FAM3D: variants seen among roughly 807,000 people sequenced by gnomAD.
The protein encoded by FAM3D is FAM3 metabolism regulating signaling molecule D.
FAM3D carries 26 observed loss-of-function variants against 29.8 expected under a neutral mutation model. The ratio of observed to expected loss-of-function variants is 0.87; its 90% CI spans 0.64 to 1.21. The LOEUF is 1.21. Among genes scored for constraint, FAM3D ranks in the 50% most tolerant of loss-of-function variants. The pLI is 0.00. For missense variants in FAM3D, 253 were observed against 290.9 expected, an observed-to-expected ratio of 0.87 and a Z score of 0.95; for synonymous variants, 115 against 102.3, an observed-to-expected ratio of 1.12 and a Z score of -0.75.
At chr3:58,665,744 C>G (rs1212712744) in intron 1 of FAM3D, among the ~76,000 whole-genome samples, 1 of 152,180 alleles carries the variant, frequency 6.6e-6, no homozygotes, top group Admixed American at 6.5e-5. Context: ...TGCCTTGGCT[C>G]TCCGTCTGCA....
At chr3:58,645,789 T>C (rs1303105714) in intron 4 of FAM3D, among the ~76,000 whole-genome samples, 163 bp from the exon 5 acceptor site, 1 of 152,226 alleles carries the variant, frequency 6.6e-6, no homozygotes, top group Non-Finnish European at 1.5e-5. Flanking sequence ...AGATGTGCCC[T>C]TCTGGGCTCC....
At chr3:58,653,643 G>C in intron 3 of FAM3D, 31 bp downstream of exon 3, 2 of 1,598,562 alleles carry the variant, frequency 1.3e-6, no homozygotes, top group African/African-American at 2.7e-5. Context: ...CTGGTCTGCA[G>C]TTCCTGCCCC....
intron 4 of FAM3D, among the ~76,000 whole-genome samples, chr3:58,647,916 C>A (rs993200172): frequency 1.1e-4 from 16 of 152,220 alleles, no homozygotes; most frequent in African/African-American, 3.9e-4. Flanking sequence ...TTATCTTTGC[C>A]AGCTGTGAAA....
chr3:58,660,298 A>G (rs1422044914), intron 1 of FAM3D, among the ~76,000 whole-genome samples: 1 of 152,114 alleles, frequency 6.6e-6, no homozygotes, highest in African/African-American at 2.4e-5. Flanking sequence ...GGGGTGTGCA[A>G]CCCTGCCTAG....
intron 5 of FAM3D, 91 bp from the exon 6 acceptor site, chr3:58,643,811 CAT>C: frequency 8.7e-7 from 1 of 1,148,992 alleles, no homozygotes; most frequent in Non-Finnish European, 1.3e-6. Flanking sequence ...TGAGGACCCA[CAT>C]AAGCAATGCA....
chr3:58,653,691 C>G lies in FAM3D; in HGVS notation c.104G>C (p.Arg35Pro). The G allele has an allele frequency of 1.2e-6, 2 of 1,613,920 alleles. No homozygotes were observed. Among genetic ancestry groups the G allele is most frequent in the Non-Finnish European group, 1.7e-6 (2 of 1,180,032 alleles). Residue 35 changes from arginine to proline, a missense_variant, in exon 3 of 10, where the codon CGT becomes CCT. Transcript: ENST00000358781. ...SYMSFSMKTI[R>P]LPRWLAASPT... Reference sequence around the variant, plus strand: ...CCACTCACCCAGCCAGCGTGGCAGACGGATGGTTTTCATGCTGAAGCTCAT... The same window carrying G: ...CCACTCACCCAGCCAGCGTGGCAGAGGGATGGTTTTCATGCTGAAGCTCAT...
chr3:58,664,380 T>C (rs2066990167), intron 1 of FAM3D, among the ~76,000 whole-genome samples: 1 of 151,650 alleles, frequency 6.6e-6, no homozygotes, highest in Non-Finnish European at 1.5e-5. Context: ...GACTAATTTA[T>C]CTGATAGGCT....
At chr3:58,645,409 G>T in intron 5 of FAM3D, 100 bp downstream of exon 5, 1 of 855,572 alleles carries the variant, frequency 1.2e-6, no homozygotes, top group Non-Finnish European at 1.7e-6. Flanking sequence ...CTGTGGGCTG[G>T]TCTCACAGGC....
chr3:58,664,810 A>G (rs2106970800), intron 1 of FAM3D, among the ~76,000 whole-genome samples: 1 of 152,292 alleles, frequency 6.6e-6, no homozygotes, highest in Non-Finnish European at 1.5e-5. Context: ...ACTGTAGGAA[A>G]TGTCTGCTCC....
rs1163773468 is a variant in FAM3D at position 58,637,969 on chromosome 3, C to T, written c.374-744G>A. Among the ~76,000 whole-genome samples the T allele has an allele frequency of 4.6e-5, 7 of 152,240 alleles. No homozygotes were observed. The East Asian group carries it at 1.4e-3, about 29-fold the overall frequency. ...GCGCGATCTGCGCTCATTGCAACCT[C>T]CACCTCCTGGGTTCAAGCGATTCTC... On this transcript the variant is annotated intron_variant, in intron 7 of 9. Transcript: ENST00000358781.
At chr3:58,662,199 T>C (rs553056438) in intron 1 of FAM3D, among the ~76,000 whole-genome samples, 158 of 152,326 alleles carry the variant, frequency 1.0e-3, no homozygotes, top group Non-Finnish European at 1.9e-3. Context: ...TGCTGGCCTA[T>C]TGGAATCACT....
intron 8 of FAM3D, 81 bp from the exon 9 acceptor site, chr3:58,636,501 G>A: frequency 3.8e-6 from 6 of 1,565,232 alleles, no homozygotes; most frequent in Non-Finnish European, 5.2e-6. Flanking sequence ...ATGGGGCAAG[G>A]TTCCCACTCT....
intron 7 of FAM3D, among the ~76,000 whole-genome samples, chr3:58,637,789 C>T (rs572431871): frequency 6.6e-6 from 1 of 152,266 alleles, no homozygotes; most frequent in African/African-American, 2.4e-5. Context: ...GCCAAGCTCT[C>T]TATTTAACAG....
At chr3:58,639,631 A>G (rs1386889706) in intron 7 of FAM3D, among the ~76,000 whole-genome samples, 1 of 152,140 alleles carries the variant, frequency 6.6e-6, no homozygotes, top group Non-Finnish European at 1.5e-5. Context: ...GCACCCTCCC[A>G]TCAAGCAACA....
At chr3:58,657,377 G>C (rs2066835263) in intron 1 of FAM3D, 1 of 148,252 alleles carries the variant, frequency 6.7e-6, no homozygotes, top group African/African-American at 2.6e-5. Context: ...GGGCGGGGTG[G>C]TGGGGAAGAG....
chr3:58,647,754 A>C (rs1017506470), intron 4 of FAM3D, among the ~76,000 whole-genome samples: 1 of 152,148 alleles, frequency 6.6e-6, no homozygotes, highest in Non-Finnish European at 1.5e-5. Flanking sequence ...CAGCTGCCTC[A>C]ATCCCTGAGG....
chr3:58,645,214 A>C lies in FAM3D; in HGVS notation c.263+295T>G, dbSNP rs542030789. 7.2e-5 allele frequency among the ~76,000 whole-genome samples: 11 copies of C among 152,348 alleles called. No homozygotes were observed. The East Asian group carries it at 1.4e-3, about 19-fold the overall frequency. On this transcript the variant is annotated intron_variant, in intron 5 of 9. Transcript: ENST00000358781. ...TCAAATCCTGGTCCTGCCACTGGGC[A>C]GGTGACCCTGTCTGCACCCCACTAT...
chr3:58,662,417 ATAATCT>A (rs1417163778), intron 1 of FAM3D, among the ~76,000 whole-genome samples: 2 of 152,374 alleles, frequency 1.3e-5, no homozygotes, highest in East Asian at 1.9e-4. Flanking sequence ...TGAAGAAGTA[ATAATCT>A]TAATAACAAT....
Position 58,634,173 on chromosome 3 carries a change from C to T in FAM3D, c.*106G>A. ...AGCGTGCAAGGACCTGCAGCACCTT[C>T]CACGCAGCACCCCCTGCTCCTCCTC... On this transcript the variant is annotated 3_prime_UTR_variant, in exon 10 of 10. Coordinates refer to ENST00000358781, the MANE Select transcript of FAM3D (RefSeq NM_138805.3). This position sits in a 1 kb window ranked among gnomAD's most constrained non-coding sequence, Gnocchi z 4.6. The T allele has an allele frequency of 1.0e-6, 1 of 991,344 alleles. No individual in the cohort carries two copies. The allele number at this position is 991,344 out of a possible 1,614,324, so 61.4% of individuals were successfully genotyped here.
Sources: gnomAD v4.1 joint callset for allele counts (sites outside exome capture counted in the v4.1 genomes callset) on GRCh38, gnomAD v4.1.1 for gene constraint, Gnocchi (gnomAD v3.1) non-coding constraint, MANE v1.5 for transcripts, NCBI Gene and HGNC (gene_info 2026-07-23, HGNC 2026-07-21) for gene names.